RAPGEF4: variants seen among roughly 807,000 people sequenced by gnomAD.
RAPGEF4 encodes Rap guanine nucleotide exchange factor 4, also known as RAP guanine-nucleotide-exchange factor (GEF) 4.
RAPGEF4 carries 66 observed loss-of-function variants against 147.9 expected under a neutral mutation model. That is an observed-to-expected ratio of 0.45 (90% CI 0.37 to 0.55). RAPGEF4 has a LOEUF of 0.55. RAPGEF4 is among the 20% of genes least tolerant of loss of function. The probability of loss-of-function intolerance (pLI) is 0.00; values close to 1 mark genes in which losing one functional copy is unlikely to be tolerated. For missense variants in RAPGEF4, 1,071 were observed against 1,257.3 expected (o/e 0.85, Z 2.24); for synonymous variants, 419 against 442.7 (o/e 0.95, Z 0.67).
intron 17 of RAPGEF4, among the ~76,000 whole-genome samples, chr2:173,013,593 G>A (rs1338298215): frequency 6.6e-6 from 1 of 152,180 alleles, no homozygotes. Context: ...TTGATTACCT[G>A]TGATGTTGTG....
chr2:172,741,456 C>G (rs935715672), intron 1 of RAPGEF4, among the ~76,000 whole-genome samples: 7 of 152,156 alleles, frequency 4.6e-5, no homozygotes, highest in African/African-American at 1.7e-4. Context: ...TGGGGAAGGG[C>G]GTGGGTGACA....
intron 23 of RAPGEF4, among the ~76,000 whole-genome samples, chr2:173,021,273 T>C (rs938324165): frequency 6.6e-6 from 1 of 152,206 alleles, no homozygotes; most frequent in Non-Finnish European, 1.5e-5. Context: ...GCCTGCTCTC[T>C]TTTAAGTCGG....
At chr2:173,013,328 G>C (rs1695198190) in intron 17 of RAPGEF4, among the ~76,000 whole-genome samples, 1 of 152,156 alleles carries the variant, frequency 6.6e-6, no homozygotes, top group Non-Finnish European at 1.5e-5. Flanking sequence ...TTGGCATCAG[G>C]AGTCTTGCAT....
chr2:172,871,323 G>A (rs912071985), intron 4 of RAPGEF4, among the ~76,000 whole-genome samples: 1 of 152,158 alleles, frequency 6.6e-6, no homozygotes, highest in Admixed American at 6.5e-5. Flanking sequence ...AGAGTGTTTT[G>A]ATTGGTATCG....
intron 6 of RAPGEF4, among the ~76,000 whole-genome samples, chr2:172,923,538 G>A (rs1019102571): frequency 6.6e-6 from 1 of 152,152 alleles, no homozygotes; most frequent in African/African-American, 2.4e-5. Flanking sequence ...AAAGTGCTGG[G>A]ATTACAGGCA....
At chr2:172,831,285 T>TTTTTTTTTTTTTTTTTTTTTTTA (rs1690303455) in intron 4 of RAPGEF4, among the ~76,000 whole-genome samples, 2 of 142,308 alleles carry the variant, frequency 1.4e-5, no homozygotes, top group African/African-American at 5.1e-5. Flanking sequence ...TTTTTTTTTT[T>TTTTTTTTTTTTTTTTTTTTTTTA]GAGACAGAGT....
chr2:173,013,630 C>T (rs953931738), intron 17 of RAPGEF4, among the ~76,000 whole-genome samples: 10 of 152,084 alleles, frequency 6.6e-5, no homozygotes, highest in African/African-American at 2.2e-4. Context: ...CAAGAATGGA[C>T]CAGGGACCTT....
At chr2:173,027,761 A>G (rs956995850) in intron 25 of RAPGEF4, among the ~76,000 whole-genome samples, 1 of 152,242 alleles carries the variant, frequency 6.6e-6, no homozygotes, top group Non-Finnish European at 1.5e-5. Flanking sequence ...AAAAAGAAGC[A>G]TCTATCTTAT....
chr2:172,787,295 T>A (rs78397403), intron 1 of RAPGEF4, among the ~76,000 whole-genome samples: 43 of 152,332 alleles, frequency 2.8e-4, no homozygotes, highest in Non-Finnish European at 5.9e-4. Flanking sequence ...TTTTTGATAC[T>A]GCTAATAGAC....
rs114953505 is a variant in RAPGEF4, at chr2:172,940,821, T to G, written c.537+18521T>G. ...ATCTATAGATCAAGCTGAGAAGAAC[T>G]GACGTCTTAACAGTATTGAGTCTGA... On this transcript the variant is annotated intron_variant, in intron 6 of 30. Coordinates refer to ENST00000397081, the MANE Select transcript of RAPGEF4 (RefSeq NM_007023.4). Among the ~76,000 whole-genome samples, 459 of 152,304 alleles carry G rather than the reference T, an allele frequency of 3.0e-3. 2 individuals are homozygous for G. Among genetic ancestry groups the G allele is most frequent in the African/African-American group, 0.011 (442 of 41,580 alleles).
chr2:172,784,018 C>A (rs1684944322), intron 1 of RAPGEF4, among the ~76,000 whole-genome samples: 2 of 152,298 alleles, frequency 1.3e-5, no homozygotes, highest in Admixed American at 1.3e-4. Flanking sequence ...TACGTGAAGT[C>A]TCTTTCTCTC....
At chr2:173,043,197 G>C (rs1300289650) in intron 29 of RAPGEF4, among the ~76,000 whole-genome samples, 1 of 152,236 alleles carries the variant, frequency 6.6e-6, no homozygotes, top group Non-Finnish European at 1.5e-5. Context: ...TAAGCAAGGA[G>C]TAATTAACAA....
chr2:172,880,476 T>G (rs151059203), intron 4 of RAPGEF4, among the ~76,000 whole-genome samples: 1 of 152,218 alleles, frequency 6.6e-6, no homozygotes, highest in African/African-American at 2.4e-5. Flanking sequence ...GCCTGGTATA[T>G]AGGAAATGCT....
intron 4 of RAPGEF4, among the ~76,000 whole-genome samples, chr2:172,835,883 G>A (rs1039126352): frequency 1.3e-5 from 2 of 152,116 alleles, no homozygotes; most frequent in African/African-American, 2.4e-5. Flanking sequence ...TAAGACTAGC[G>A]AGCATTCCAT....
chr2:173,037,910 C>A (rs768378188), intron 29 of RAPGEF4, among the ~76,000 whole-genome samples: 1 of 152,122 alleles, frequency 6.6e-6, no homozygotes, highest in Non-Finnish European at 1.5e-5. Context: ...CTAGTTGTTT[C>A]TTGAAATCAA....
At chr2:172,737,929 G>A (rs1306927101) in intron 1 of RAPGEF4, among the ~76,000 whole-genome samples, 2 of 152,240 alleles carry the variant, frequency 1.3e-5, no homozygotes, top group African/African-American at 4.8e-5. Flanking sequence ...TTTGAAAACT[G>A]TGAGTGCCAT....
intron 27 of RAPGEF4, 149 bp downstream of exon 27, chr2:173,034,113 C>A: frequency 1.5e-6 from 1 of 678,594 alleles, no homozygotes; most frequent in South Asian, 2.3e-5. Context: ...CTAAAACAAG[C>A]ATGTCTGACT....
In RAPGEF4 at chr2:172,745,064, T is replaced by C. The variant is rs191618226; in HGVS notation, c.65+9016T>C. Among the ~76,000 whole-genome samples, 79 of 152,280 alleles carry C rather than the reference T, an allele frequency of 5.2e-4. No homozygotes were observed. In the Middle Eastern group the frequency reaches 0.01, roughly 20 times the overall value. On this transcript the variant is annotated intron_variant, in intron 1 of 30. Coordinates refer to ENST00000397081, the MANE Select transcript of RAPGEF4 (RefSeq NM_007023.4). Reference sequence around the variant, plus strand: ...CATGAGGGATATTAGCCTATAACTTTCTTTTCTTATTTTAGTATCAGGATT... The same window carrying C: ...CATGAGGGATATTAGCCTATAACTTCCTTTTCTTATTTTAGTATCAGGATT...
chr2:172,783,483 T>C (rs1684880665), intron 1 of RAPGEF4, among the ~76,000 whole-genome samples: 2 of 152,138 alleles, frequency 1.3e-5, no homozygotes, highest in South Asian at 4.1e-4. Flanking sequence ...GCAGGCCATG[T>C]TTCCAAAGGA....
Sources: allele counts gnomAD v4.1 joint callset (sites outside exome capture counted in the v4.1 genomes callset), GRCh38; gene constraint gnomAD v4.1.1; transcripts MANE v1.5; gene names NCBI Gene and HGNC (gene_info 2026-07-23, HGNC 2026-07-21).